The following DCAF5 variants were observed in gnomAD, a reference collection of about 807,000 sequenced individuals.
DCAF5 encodes the protein DDB1- and CUL4-associated factor 5.
DCAF5 carries 9 observed loss-of-function variants against 80.7 expected under a neutral mutation model. The ratio of observed to expected loss-of-function variants is 0.11; its 90% CI spans 0.07 to 0.19. The LOEUF is 0.19. Among genes scored for constraint, DCAF5 ranks in the 10% least tolerant of loss-of-function variants. The pLI is 1.00. For missense variants in DCAF5, 842 were observed against 1,205.7 expected, an observed-to-expected ratio of 0.70 and a Z score of 4.47; for synonymous variants, 433 against 461.9, an observed-to-expected ratio of 0.94 and a Z score of 0.80.
At chr14:69,102,194 C>T (rs1025513561) in intron 5 of DCAF5, among the ~76,000 whole-genome samples, 11 of 149,734 alleles carry the variant, frequency 7.3e-5, no homozygotes, top group East Asian at 5.9e-4. Context: ...CTGCAACCTC[C>T]GCCTCCTGAG....
intron 7 of DCAF5, among the ~76,000 whole-genome samples, chr14:69,066,138 T>C (rs1197455044): frequency 7.2e-6 from 1 of 138,130 alleles, no homozygotes; most frequent in Non-Finnish European, 1.6e-5. Flanking sequence ...GCTGACACTG[T>C]TTTTTTTTTT....
intron 1 of DCAF5, among the ~76,000 whole-genome samples, chr14:69,150,128 A>C (rs1269657333): frequency 1.3e-5 from 2 of 152,246 alleles, no homozygotes; most frequent in African/African-American, 4.8e-5. Flanking sequence ...AAATAGGAAA[A>C]GCTAGGTGTA....
At chr14:69,056,455 C>G (rs1053267909) in intron 8 of DCAF5, among the ~76,000 whole-genome samples, 1 of 152,230 alleles carries the variant, frequency 6.6e-6, no homozygotes, top group Non-Finnish European at 1.5e-5. Flanking sequence ...AAAGGCTTAA[C>G]TTTACTGTTA....
intron 6 of DCAF5, 23 bp from the exon 7 acceptor site, chr14:69,075,434 G>C (rs2038862222): frequency 7.0e-7 from 1 of 1,431,346 alleles, no homozygotes; most frequent in African/African-American, 1.4e-5. Flanking sequence ...AAAATATATA[G>C]ATAACATTAT....
At chr14:69,098,555 T>A (rs1024384915) in intron 5 of DCAF5, among the ~76,000 whole-genome samples, 5 of 152,066 alleles carry the variant, frequency 3.3e-5, no homozygotes, top group Admixed American at 2.0e-4. Flanking sequence ...AGCTGTTGAA[T>A]GAACAATCTA....
chr14:69,148,337 A>C (rs1566794607), intron 1 of DCAF5, among the ~76,000 whole-genome samples: 1 of 152,152 alleles, frequency 6.6e-6, no homozygotes, highest in East Asian at 1.9e-4. Context: ...CCCTCAAAGG[A>C]CTAACACACA....
chr14:69,072,884 C>T lies in DCAF5; in HGVS notation c.946+2461G>A, dbSNP rs1001633093. On this transcript the variant is annotated intron_variant, in intron 7 of 8. Coordinates refer to ENST00000341516, the MANE Select transcript of DCAF5 (RefSeq NM_003861.3). ...CCAACAACAGGGATAGTTATAAGGT[C>T]CTGTCCTTGTGCACAAAGAAGCCCA... Among the ~76,000 whole-genome samples, 4 of 152,260 alleles carry T rather than the reference C, an allele frequency of 2.6e-5. 1 individual carries two copies. Among genetic ancestry groups the T allele is most frequent in the Middle Eastern group, 6.8e-3 (2 of 294 alleles).
At chr14:69,113,970 A>G (rs975898456) in intron 5 of DCAF5, among the ~76,000 whole-genome samples, 1 of 152,218 alleles carries the variant, frequency 6.6e-6, no homozygotes, top group Non-Finnish European at 1.5e-5. Context: ...CTTTTCTCCT[A>G]TATGGGCTCT....
At chr14:69,141,139 T>TTAAAA (rs34483517) in intron 1 of DCAF5, among the ~76,000 whole-genome samples, 6 of 59,426 alleles carry the variant, frequency 1.0e-4, no homozygotes, top group African/African-American at 3.2e-4. Flanking sequence ...ATCTCAAATT[T>TTAAAA]AAAAAAAAAA....
At chr14:69,119,039 A>G in intron 3 of DCAF5, 155 bp downstream of exon 3, 1 of 662,240 alleles carries the variant, frequency 1.5e-6, no homozygotes, top group Non-Finnish European at 2.4e-6. Flanking sequence ...AACTTTATTT[A>G]TTTCAAACTA....
Position 69,091,662 on chromosome 14 carries a change from G to C in DCAF5, c.879+12C>G. Reference sequence around the variant, plus strand: ...GCATAAGTGTGAGATGCAGGAGGCAGACAGCATTTACCTGGTCACGATCTC... The same window carrying C: ...GCATAAGTGTGAGATGCAGGAGGCACACAGCATTTACCTGGTCACGATCTC... On this transcript the variant is annotated intron_variant, in intron 6 of 8. Transcript: ENST00000341516. 2 of 1,610,886 alleles carry C rather than the reference G, an allele frequency of 1.2e-6. No homozygotes were observed. Among genetic ancestry groups the C allele is most frequent in the Admixed American group, 1.7e-5 (1 of 59,988 alleles).
intron 6 of DCAF5, among the ~76,000 whole-genome samples, chr14:69,079,612 C>T (rs193300241): frequency 1.3e-5 from 2 of 152,278 alleles, no homozygotes; most frequent in East Asian, 1.9e-4. Context: ...TGGGATACTG[C>T]TGACTATAAG....
chr14:69,101,388 G>C (rs1007519965), intron 5 of DCAF5, among the ~76,000 whole-genome samples: 5 of 152,168 alleles, frequency 3.3e-5, no homozygotes, highest in African/African-American at 9.7e-5. Context: ...CACACACATG[G>C]ATTCAAAGAT....
At chr14:69,144,618 A>G (rs1260105218) in intron 1 of DCAF5, among the ~76,000 whole-genome samples, 1 of 152,230 alleles carries the variant, frequency 6.6e-6, no homozygotes, top group Admixed American at 6.5e-5. Context: ...TACTCAATAA[A>G]TATTTTAATG....
chr14:69,100,325 A>G (rs1360089547), intron 5 of DCAF5, among the ~76,000 whole-genome samples: 1 of 152,222 alleles, frequency 6.6e-6, no homozygotes, highest in African/African-American at 2.4e-5. Flanking sequence ...CTTTGAGAAA[A>G]GTATGAGAAT....
intron 5 of DCAF5, among the ~76,000 whole-genome samples, chr14:69,097,766 T>C (rs1594990616): frequency 6.6e-6 from 1 of 151,918 alleles, no homozygotes; most frequent in Non-Finnish European, 1.5e-5. Flanking sequence ...TTTGTATTTT[T>C]AGTAAAGACA....
intron 6 of DCAF5, among the ~76,000 whole-genome samples, chr14:69,079,467 G>A (rs2039020281): frequency 1.3e-5 from 2 of 152,166 alleles, no homozygotes; most frequent in East Asian, 1.9e-4. Flanking sequence ...TAGGGAGGGC[G>A]TCTTGCCTCG....
rs908099206 is a variant in DCAF5 at position 69,061,352 on chromosome 14, T to C, written c.1074+1032A>G. On this transcript the variant is annotated intron_variant, in intron 8 of 8. Transcript: ENST00000341516. ...ACCTATTCTTACTTAAAAGTCATTATCTCAGGGACCTCAAGAATTAATCAT... is the reference window on the plus strand; with the variant it reads ...ACCTATTCTTACTTAAAAGTCATTACCTCAGGGACCTCAAGAATTAATCAT... 1.3e-5 allele frequency among the ~76,000 whole-genome samples: 2 copies of C among 152,298 alleles called. 1 individual carries two copies. Among genetic ancestry groups the C allele is most frequent in the Middle Eastern group, 6.8e-3 (2 of 294 alleles).
chr14:69,140,888 G>A (rs900922715), intron 1 of DCAF5, among the ~76,000 whole-genome samples: 8 of 152,060 alleles, frequency 5.3e-5, no homozygotes, highest in South Asian at 2.1e-4. Context: ...AGGCTGAGGC[G>A]GGCAGATCAC....
Sources: gnomAD v4.1 joint callset for allele counts (sites outside exome capture counted in the v4.1 genomes callset) on GRCh38, gnomAD v4.1.1 for gene constraint, MANE v1.5 for transcripts, NCBI Gene and HGNC (gene_info 2026-07-23, HGNC 2026-07-21) for gene names.